Variants in KANK1 observed in about 807,000 individuals in gnomAD.
The protein encoded by KANK1 is KN motif and ankyrin repeat domains 1.
A neutral mutation model predicts 106.2 loss-of-function variants in KANK1; 109 were observed. That is an observed-to-expected ratio of 1.03 (90% CI 0.88 to 1.20). The LOEUF (loss-of-function observed/expected upper bound fraction) is 1.20, where lower values mean the gene tolerates loss of function less well. Among genes scored for constraint, KANK1 ranks in the 50% most tolerant of loss-of-function variants. The pLI is 0.00. For missense variants in KANK1, 2,399 were observed against 1,710.7 expected (o/e 1.40, Z -7.10); for synonymous variants, 873 against 652.2 (o/e 1.34, Z -5.16).
chr9:623,035 A>G (rs1288569124), intron 1 of KANK1, among the ~76,000 whole-genome samples: 2 of 152,226 alleles, frequency 1.3e-5, no homozygotes, highest in South Asian at 2.1e-4. Context: ...AGCACAGGCA[A>G]CAAAAGCAAA....
rs151300214 is a variant in KANK1 at position 692,529 on chromosome 9, A to T, written c.37+15520A>T. ...TTCCTTTTTTTTTTTTTTACTTTAA[A>T]CTTTATTGAGCTGTTTTACATACCA... On this transcript the variant is annotated intron_variant, in intron 2 of 11. Coordinates refer to ENST00000382297, the MANE Select transcript of KANK1 (RefSeq NM_015158.5). Among the ~76,000 whole-genome samples, 581 of 149,420 alleles carry T rather than the reference A, an allele frequency of 3.9e-3. 8 individuals are homozygous for T. The highest frequency in any genetic ancestry group is 0.014 in the African/African-American group (568 of 40,692).
chr9:691,445 G>T (rs1819889920), intron 2 of KANK1, among the ~76,000 whole-genome samples: 1 of 149,738 alleles, frequency 6.7e-6, no homozygotes. Context: ...TTTTTTAATA[G>T]AGACAAGGTC....
intron 1 of KANK1, among the ~76,000 whole-genome samples, chr9:529,294 C>CT (rs774768030): frequency 0.011 from 1,662 of 144,800 alleles, 28 homozygotes; most frequent in African/African-American, 0.037. Context: ...CATATATACA[C>CT]TTTTTTTTTT....
At chr9:707,149 G>A (rs982203853) in intron 2 of KANK1, 3 of 985,416 alleles carry the variant, frequency 3.0e-6, no homozygotes, top group Admixed American at 6.1e-5. Flanking sequence ...TTCTCCTCAC[G>A]GGGTGAGGAT....
intron 1 of KANK1, among the ~76,000 whole-genome samples, chr9:611,445 G>A (rs1563858209): frequency 6.6e-6 from 1 of 152,082 alleles, no homozygotes; most frequent in Non-Finnish European, 1.5e-5. Flanking sequence ...AAACCTTAAG[G>A]CCCATGTCCT....
intron 1 of KANK1, among the ~76,000 whole-genome samples, chr9:656,004 A>G (rs1842059836): frequency 6.6e-6 from 1 of 152,302 alleles, no homozygotes; most frequent in Middle Eastern, 3.4e-3. Flanking sequence ...TTTAGGGGTT[A>G]CTGCCCTAAG....
Position 584,115 on chromosome 9 carries a change from C to T in KANK1, c.-84+79361C>T, listed in dbSNP as rs1474926756. Among the ~76,000 whole-genome samples, 3 of 151,872 alleles carry T rather than the reference C, an allele frequency of 2.0e-5. No homozygotes were observed. The South Asian group carries it at 6.2e-4, about 32-fold the overall frequency. ...TCTTTCTCAGCATTACATATATAAT[C>T]AAAAATAAGAGGTGACTTAAGTGCT... On this transcript the variant is annotated intron_variant, in intron 1 of 11. Coordinates refer to ENST00000382297, the MANE Select transcript of KANK1 (RefSeq NM_015158.5).
At chr9:667,291 G>T (rs1480218195) in intron 1 of KANK1, among the ~76,000 whole-genome samples, 1 of 151,402 alleles carries the variant, frequency 6.6e-6, no homozygotes, top group Non-Finnish European at 1.5e-5. Flanking sequence ...TTTTGTTTCT[G>T]ATTTTATTTA....
intron 3 of KANK1, among the ~76,000 whole-genome samples, chr9:716,765 A>T (rs142016918): frequency 5.1e-4 from 77 of 152,316 alleles, no homozygotes; most frequent in African/African-American, 1.7e-3. Context: ...GCATCATAAG[A>T]AATTAATAGT....
At chr9:730,421 G>A (rs1270303984) in intron 4 of KANK1, 173 bp downstream of exon 4, 7 of 708,298 alleles carry the variant, frequency 9.9e-6, no homozygotes, top group Admixed American at 2.5e-5. Flanking sequence ...GCCGGGCATG[G>A]TGGCTCACAC....
intron 2 of KANK1, chr9:693,673 A>G (rs1820529893): frequency 3.0e-6 from 3 of 985,428 alleles, no homozygotes; most frequent in Middle Eastern, 5.2e-4. Flanking sequence ...TCTCTGCAAC[A>G]GCTCCTGGGC....
intron 1 of KANK1, among the ~76,000 whole-genome samples, chr9:598,108 C>T (rs962310629): frequency 2.0e-5 from 3 of 151,808 alleles, no homozygotes; most frequent in Admixed American, 6.5e-5. Flanking sequence ...CCCAGCACCA[C>T]TTGCTGAAGA....
At chr9:606,404 A>C (rs1829172736) in intron 1 of KANK1, among the ~76,000 whole-genome samples, 1 of 147,156 alleles carries the variant, frequency 6.8e-6, no homozygotes, top group East Asian at 1.9e-4. Flanking sequence ...TAAAAATACA[A>C]AATTAGCCGG....
chr9:526,036 C>G (rs2059776524), intron 1 of KANK1, among the ~76,000 whole-genome samples: 1 of 151,662 alleles, frequency 6.6e-6, no homozygotes, highest in Non-Finnish European at 1.5e-5. Flanking sequence ...GCATGCAAAC[C>G]CACATGTATC....
At chr9:510,321 A>G (rs1050910346) in intron 1 of KANK1, among the ~76,000 whole-genome samples, 1 of 152,186 alleles carries the variant, frequency 6.6e-6, no homozygotes, top group Non-Finnish European at 1.5e-5. Flanking sequence ...AGAGCTTGAA[A>G]GGATATAAGA....
intron 1 of KANK1, among the ~76,000 whole-genome samples, chr9:633,105 C>G (rs976552573): frequency 6.6e-6 from 1 of 152,106 alleles, no homozygotes; most frequent in African/African-American, 2.4e-5. Flanking sequence ...TTTCTACACT[C>G]ACTTTTAGTG....
intron 9 of KANK1, 78 bp from the exon 10 acceptor site, chr9:742,127 C>T: frequency 8.1e-7 from 1 of 1,234,150 alleles, no homozygotes; most frequent in East Asian, 2.3e-5. Flanking sequence ...TTCCCCCTTT[C>T]CCTAGCACAG....
chr9:585,557 T>G (rs903417452), intron 1 of KANK1, among the ~76,000 whole-genome samples: 3 of 152,136 alleles, frequency 2.0e-5, no homozygotes, highest in Admixed American at 6.5e-5. Flanking sequence ...ATGTAGTTTG[T>G]AAAAACTCTA....
chr9:578,240 G>T lies in KANK1; in HGVS notation c.-84+73486G>T, dbSNP rs189911412. Among the ~76,000 whole-genome samples the T allele has an allele frequency of 8.4e-4, 128 of 152,254 alleles. 2 individuals carry two copies. The highest frequency in any genetic ancestry group is 2.9e-3 in the African/African-American group (120 of 41,526). On this transcript the variant is annotated intron_variant, in intron 1 of 11. Coordinates refer to ENST00000382297, the MANE Select transcript of KANK1 (RefSeq NM_015158.5). ...TTTTGTTTTATTTGCTTCAAACAAAGTAGGAAACATTCTTCTTGCTTTATA... is the reference window on the plus strand; with the variant it reads ...TTTTGTTTTATTTGCTTCAAACAAATTAGGAAACATTCTTCTTGCTTTATA...
Sources: allele counts gnomAD v4.1 joint callset (sites outside exome capture counted in the v4.1 genomes callset), GRCh38; gene constraint gnomAD v4.1.1; transcripts MANE v1.5; gene names NCBI Gene and HGNC (gene_info 2026-07-23, HGNC 2026-07-21).